ZFAND4: variants seen among roughly 807,000 people sequenced by gnomAD.
ZFAND4 encodes the protein zinc finger AN1-type containing 4.
A neutral mutation model predicts 64.4 loss-of-function variants in ZFAND4; 43 were observed. The ratio of observed to expected loss-of-function variants is 0.67; its 90% confidence interval spans 0.52 to 0.86. ZFAND4 has a LOEUF of 0.86. Among genes scored for constraint, ZFAND4 ranks in the 40% least tolerant of loss-of-function variants. The pLI, the probability that ZFAND4 is intolerant of heterozygous loss-of-function variation, is 0.00. For synonymous variants in ZFAND4, 296 were observed against 305.7 expected (o/e 0.97, Z 0.33); for missense variants, 929 against 859.8 (o/e 1.08, Z -1.01).
In ZFAND4 at chr10:45,639,621, G is replaced by A. The variant is rs1001569326; in HGVS notation, c.717+195C>T. ...GATCTTTAAAATGATGTTAAGTGCA[G>A]TATAATCCCTTCAGGTGTGCTTCTA... is the stretch of plus-strand genomic sequence containing the variant. On this transcript the variant is annotated intron_variant, in intron 6 of 9. Transcript: ENST00000344646. The A allele has an allele frequency of 1.1e-5, 5 of 454,960 alleles. No individual in the cohort carries two copies. In the East Asian group the frequency reaches 1.1e-4, roughly 10 times the overall value. 28.2% of individuals were successfully genotyped at this position (454,960 alleles called of 1,614,324 possible). A position where few individuals can be genotyped will look rare whatever the true frequency, so the allele number is the denominator to read the frequency against.
At position 45,663,679 on chromosome 10, in the gene ZFAND4, C is replaced by G; in HGVS notation, c.47G>C (p.Gly16Ala). The G allele has an allele frequency of 6.2e-7, 1 of 1,606,980 alleles. No individual in the cohort carries two copies. Among genetic ancestry groups the G allele is most frequent in the Non-Finnish European group, 8.5e-7 (1 of 1,178,388 alleles). ...EPPFFNDDNM[G>A]PFYYRLHFCD... ...GAAATGAAGTCTGTAGTAAAATGGT[C>G]CCATGTTATCATCATTGAAGAATGG... Residue 16 changes from glycine (G) to alanine (A), a missense_variant, in exon 2 of 10, where the codon GGA (glycine) becomes GCA (alanine). Coordinates refer to ENST00000344646, the MANE Select transcript of ZFAND4 (RefSeq NM_174890.4).
chr10:45,643,940 A>T (rs997087595), intron 5 of ZFAND4, among the ~76,000 whole-genome samples: 1 of 152,206 alleles, frequency 6.6e-6, no homozygotes, highest in South Asian at 2.1e-4. Context: ...GGTATTTCAT[A>T]ACAAATGAAA....
chr10:45,665,891 T>C (rs1352869405), intron 1 of ZFAND4, among the ~76,000 whole-genome samples: 3 of 152,230 alleles, frequency 2.0e-5, no homozygotes, highest in African/African-American at 7.2e-5. Flanking sequence ...CTAGGATATA[T>C]CAGTATTTCA....
intron 7 of ZFAND4, among the ~76,000 whole-genome samples, chr10:45,625,473 CAAA>C (rs1195950172): frequency 1.9e-5 from 1 of 53,076 alleles, no homozygotes; most frequent in Admixed American, 1.8e-4. Context: ...GACTCCGTCT[CAAA>C]AAAAAAAAAA....
intron 1 of ZFAND4, among the ~76,000 whole-genome samples, chr10:45,671,107 AT>A (rs1243032108): frequency 6.6e-6 from 1 of 152,244 alleles, no homozygotes; most frequent in Non-Finnish European, 1.5e-5. Context: ...CATCAGAAAA[AT>A]GCAAATCAAA....
Position 45,624,575 on chromosome 10 carries a change from T to C in ZFAND4, c.1927+8A>G. The C allele has an allele frequency of 6.2e-7, 1 of 1,613,542 alleles. No individual in the cohort carries two copies. Among genetic ancestry groups the C allele is most frequent in the Non-Finnish European group, 8.5e-7 (1 of 1,179,602 alleles). ...CTTGTATTGTTTTCAAAATTATCTG[T>C]AGCTTACCTACGCTTTTCCCTGCTG... On this transcript the variant is annotated splice_region_variant and intron_variant, in intron 8 of 9. Coordinates refer to ENST00000344646, the MANE Select transcript of ZFAND4 (RefSeq NM_174890.4).
intron 8 of ZFAND4, among the ~76,000 whole-genome samples, chr10:45,622,728 C>T (rs1304285709): frequency 2.0e-5 from 3 of 152,160 alleles, no homozygotes; most frequent in South Asian, 2.1e-4. Context: ...AAACTTTCCC[C>T]GTTCAGAACA....
intron 2 of ZFAND4, among the ~76,000 whole-genome samples, chr10:45,657,812 A>C (rs1164258367): frequency 2.0e-5 from 3 of 152,364 alleles, no homozygotes; most frequent in Admixed American, 2.0e-4. Context: ...TATTATGCAT[A>C]AGTGAAAAAA....
At chr10:45,627,550 A>G (rs577338473) in intron 6 of ZFAND4, among the ~76,000 whole-genome samples, 7 of 152,156 alleles carry the variant, frequency 4.6e-5, no homozygotes, top group African/African-American at 9.7e-5. Flanking sequence ...CTTGCTGGCA[A>G]CACTGGCCTT....
chr10:45,624,063 T>C (rs972523775), intron 8 of ZFAND4, among the ~76,000 whole-genome samples: 29 of 152,188 alleles, frequency 1.9e-4, no homozygotes, highest in African/African-American at 6.8e-4. Flanking sequence ...GGTGCATCTT[T>C]AATGTGTTAC....
chr10:45,628,402 G>A (rs1387836209), intron 6 of ZFAND4, among the ~76,000 whole-genome samples: 1 of 152,128 alleles, frequency 6.6e-6, no homozygotes, highest in Non-Finnish European at 1.5e-5. Context: ...TCCACCTCCC[G>A]GGTTCAAGCA....
intron 2 of ZFAND4, chr10:45,662,756 C>T (rs2048561809): frequency 1.4e-6 from 1 of 717,292 alleles, no homozygotes; most frequent in Non-Finnish European, 1.7e-6. Context: ...TAACCCTCCT[C>T]ATCCTTCTAT....
At chr10:45,631,682 A>G (rs1241605922) in intron 6 of ZFAND4, among the ~76,000 whole-genome samples, 1 of 152,224 alleles carries the variant, frequency 6.6e-6, no homozygotes, top group Middle Eastern at 3.2e-3. Flanking sequence ...TTTTATATCC[A>G]GGCAAGCCAT....
chr10:45,666,367 T>C (rs568284534), intron 1 of ZFAND4, among the ~76,000 whole-genome samples: 1 of 152,352 alleles, frequency 6.6e-6, no homozygotes, highest in Non-Finnish European at 1.5e-5. Context: ...GAGAAATGCC[T>C]ATTCATATAC....
intron 6 of ZFAND4, among the ~76,000 whole-genome samples, chr10:45,633,325 T>C (rs531732183): frequency 6.6e-6 from 1 of 152,196 alleles, no homozygotes; most frequent in East Asian, 1.9e-4. Context: ...TGAAAAGTGC[T>C]ATTAGATCCC....
intron 4 of ZFAND4, chr10:45,651,579 C>T (rs1275121063): frequency 4.2e-6 from 2 of 472,132 alleles, no homozygotes; most frequent in South Asian, 3.1e-5. Context: ...GGTAAACAGG[C>T]AATGTTGGAA....
intron 4 of ZFAND4, among the ~76,000 whole-genome samples, chr10:45,649,328 A>AG (rs1215527500): frequency 1.3e-5 from 2 of 152,150 alleles, no homozygotes; most frequent in African/African-American, 2.4e-5. Flanking sequence ...TTAGAACGTG[A>AG]GGGGGGTCAC....
chr10:45,640,511 G>A (rs1192687169), intron 5 of ZFAND4: 1 of 991,646 alleles, frequency 1.0e-6, no homozygotes, highest in Admixed American at 4.2e-5. Flanking sequence ...TTTTTTTCTT[G>A]AGACAGTCTC....
In ZFAND4 at chr10:45,616,456, G is replaced by C; in HGVS notation, c.2164C>G (p.Pro722Ala). 1 of 1,614,132 alleles carries C rather than the reference G, an allele frequency of 6.2e-7. No individual in the cohort carries two copies. The highest frequency in any genetic ancestry group is 8.5e-7 in the Non-Finnish European group (1 of 1,179,996). Residue 722 changes from proline to alanine, a missense_variant, in exon 10 of 10, where the codon CCA becomes GCA. Coordinates refer to ENST00000344646, the MANE Select transcript of ZFAND4 (RefSeq NM_174890.4). ...LHEANPVVNA[P>A]KLPKI ...AAGAGTTAGATTTTTGGAAGCTTTG[G>C]TGCATTAACCACAGGATTTGCCTCG... is the stretch of plus-strand genomic sequence containing the variant.
Sources: gnomAD v4.1 joint callset for allele counts (sites outside exome capture counted in the v4.1 genomes callset) on GRCh38, gnomAD v4.1.1 for gene constraint, MANE v1.5 for transcripts, NCBI Gene and HGNC (gene_info 2026-07-23, HGNC 2026-07-21) for gene names.